Variants in ATP9A observed in about 807,000 individuals in gnomAD.
ATP9A encodes the protein ATPase phospholipid transporting 9A.
A neutral mutation model predicts 144.1 loss-of-function variants in ATP9A; 52 were observed. The observed-to-expected ratio is 0.36, with a 90% CI of 0.29 to 0.45. ATP9A has a LOEUF of 0.45. Among genes scored for constraint, ATP9A ranks in the 20% least tolerant of loss-of-function variants. The pLI, the probability that ATP9A is intolerant of heterozygous loss-of-function variation, is 1.00. For missense variants in ATP9A, 947 were observed against 1,392.7 expected, an observed-to-expected ratio of 0.68 and a Z score of 5.09; for synonymous variants, 582 against 557.4, an observed-to-expected ratio of 1.04 and a Z score of -0.62.
At chr20:51,672,241 C>T (rs1427213376) in intron 11 of ATP9A, among the ~76,000 whole-genome samples, 1 of 152,166 alleles carries the variant, frequency 6.6e-6, no homozygotes, top group African/African-American at 2.4e-5. Flanking sequence ...TTAGAATTTC[C>T]TTCCTTTTGA....
chr20:51,733,006 A>G (rs921764416), intron 1 of ATP9A, among the ~76,000 whole-genome samples: 9 of 152,042 alleles, frequency 5.9e-5, no homozygotes, highest in Non-Finnish European at 1.3e-4. Context: ...AGTTCTAATG[A>G]AAGATGAAAA....
chr20:51,643,001 T>C (rs1000563460), intron 14 of ATP9A, among the ~76,000 whole-genome samples: 1 of 152,158 alleles, frequency 6.6e-6, no homozygotes, highest in African/African-American at 2.4e-5. Context: ...AATAAAGATC[T>C]TGGAGTAGAT....
In ATP9A at chr20:51,622,058, G is replaced by C. The variant is rs747980361; in HGVS notation, c.2115+16C>G. ...AACATCATCCCCACATGGCCCTAAC[G>C]CAGAGGACACTTTACCAGCCGAAAA... On this transcript the variant is annotated intron_variant, in intron 19 of 27. Coordinates refer to ENST00000338821, the MANE Select transcript of ATP9A (RefSeq NM_006045.3). The C allele has an allele frequency of 1.2e-6, 2 of 1,610,976 alleles. No homozygotes were observed. Among genetic ancestry groups the C allele is most frequent in the East Asian group, 2.2e-5 (1 of 44,850 alleles).
intron 15 of ATP9A, among the ~76,000 whole-genome samples, chr20:51,638,647 G>A (rs566539499): frequency 2.0e-5 from 3 of 152,262 alleles, no homozygotes; most frequent in Admixed American, 2.0e-4. Flanking sequence ...AGAATCGGTT[G>A]AGGCCAGGAG....
rs2077243871 is a variant in ATP9A, at chr20:51,625,339, C to T, written c.1869G>A (p.Leu623=). 1 of 1,614,012 alleles carries T rather than the reference C, an allele frequency of 6.2e-7. No individual in the cohort carries two copies. Among genetic ancestry groups the T allele is most frequent in the African/African-American group, 1.3e-5 (1 of 74,938 alleles). ...CTTTGAGGGAGCGGTCGTGCACACT[C>T]AGCTTGGCCTGGACGTAGCGGGCCT... ...DFEARYVQAK[L]SVHDRSLKVA... is the part of the protein sequence containing the mutation. Residue 623 remains leucine, a synonymous_variant, in exon 18 of 28, where the codon CTG becomes CTA. Coordinates refer to ENST00000338821, the MANE Select transcript of ATP9A (RefSeq NM_006045.3).
chr20:51,662,544 CAAA>C (rs57342641), intron 13 of ATP9A, among the ~76,000 whole-genome samples: 2 of 134,448 alleles, frequency 1.5e-5, no homozygotes, highest in Non-Finnish European at 1.6e-5. Flanking sequence ...GACTCTGTCT[CAAA>C]AAAAAAAAAA....
At chr20:51,661,969 T>C (rs1414502696) in intron 13 of ATP9A, among the ~76,000 whole-genome samples, 1 of 152,214 alleles carries the variant, frequency 6.6e-6, no homozygotes, top group Non-Finnish European at 1.5e-5. Context: ...CATTTGGTCA[T>C]GTCTGGAGAC....
At chr20:51,632,733 G>C (rs1316547357) in intron 15 of ATP9A, among the ~76,000 whole-genome samples, 8 of 151,966 alleles carry the variant, frequency 5.3e-5, no homozygotes. Context: ...AAGATAAAGA[G>C]GTCAGAAAAT....
intron 3 of ATP9A, among the ~76,000 whole-genome samples, chr20:51,719,114 T>G: frequency 6.8e-6 from 1 of 147,546 alleles, no homozygotes. Flanking sequence ...GGCGACAGAG[T>G]GAGACTCTGT....
chr20:51,676,224 G>GAAAA lies in ATP9A; in HGVS notation c.800-20_800-17dup. 1.6e-6 allele frequency: 2 copies of GAAAA among 1,223,410 alleles called. No homozygotes were observed. Among genetic ancestry groups the GAAAA allele is most frequent in the Non-Finnish European group, 2.2e-6 (2 of 893,812 alleles). The allele number at this position is 1,223,410 out of a possible 1,614,324, so 75.8% of individuals were successfully genotyped here. A position where few individuals can be genotyped will look rare whatever the true frequency, so the allele number is the denominator to read the frequency against. ...ACAACAGTACCTAAAATGGAAAAAAGAAAAAAAAAAAAAGAAAAGAAATAT... is the reference window on the plus strand; with the variant it reads ...ACAACAGTACCTAAAATGGAAAAAAGAAAAAAAAAAAAAAAAAGAAAAGAAATAT... On this transcript the variant is annotated splice_polypyrimidine_tract_variant and intron_variant, in intron 9 of 27. Coordinates refer to ENST00000338821, the MANE Select transcript of ATP9A (RefSeq NM_006045.3).
At chr20:51,750,975 G>T (rs976246413) in intron 1 of ATP9A, among the ~76,000 whole-genome samples, 7 of 152,002 alleles carry the variant, frequency 4.6e-5, no homozygotes, top group Admixed American at 4.6e-4. Flanking sequence ...ACACATTGGG[G>T]TCTAAGAGCT....
At chr20:51,670,559 A>C (rs2077451706) in intron 12 of ATP9A, among the ~76,000 whole-genome samples, 1 of 151,910 alleles carries the variant, frequency 6.6e-6, no homozygotes, top group Non-Finnish European at 1.5e-5. Context: ...CCTTCCAGAA[A>C]CCTCATTTTT....
At chr20:51,731,855 A>G (rs1375287593) in intron 1 of ATP9A, among the ~76,000 whole-genome samples, 1 of 152,148 alleles carries the variant, frequency 6.6e-6, no homozygotes, top group Non-Finnish European at 1.5e-5. Flanking sequence ...ATGCTGTCAC[A>G]GCTGCTAGTT....
At chr20:51,616,279 T>C (rs1399566800) in intron 22 of ATP9A, among the ~76,000 whole-genome samples, 1 of 152,144 alleles carries the variant, frequency 6.6e-6, no homozygotes, top group East Asian at 1.9e-4. Flanking sequence ...GCATCTCTGC[T>C]GCCCCCTCCG....
chr20:51,615,731 G>T (rs1164355824), intron 22 of ATP9A, among the ~76,000 whole-genome samples: 3 of 152,292 alleles, frequency 2.0e-5, no homozygotes, highest in Admixed American at 2.0e-4. Context: ...TGCCTCCCGG[G>T]TTCAAGCAAT....
At chr20:51,687,931 A>C (rs935230413) in intron 9 of ATP9A, among the ~76,000 whole-genome samples, 1 of 152,180 alleles carries the variant, frequency 6.6e-6, no homozygotes, top group Non-Finnish European at 1.5e-5. Context: ...TAGAATTATA[A>C]TACTAACTAT....
At chr20:51,625,102 C>G in intron 18 of ATP9A, 90 bp downstream of exon 18, 1 of 1,347,868 alleles carries the variant, frequency 7.4e-7, no homozygotes, top group Non-Finnish European at 1.0e-6. Context: ...TGCTGCTCCT[C>G]CCACCCTTTC....
chr20:51,686,201 CACCGGG>C (rs2077522093), intron 9 of ATP9A, among the ~76,000 whole-genome samples: 1 of 151,940 alleles, frequency 6.6e-6, no homozygotes, highest in Non-Finnish European at 1.5e-5. Context: ...GAACATCACA[CACCGGG>C]GCCTGTCGTG....
chr20:51,662,267 G>C (rs951785336), intron 13 of ATP9A, among the ~76,000 whole-genome samples: 1 of 152,178 alleles, frequency 6.6e-6, no homozygotes, highest in South Asian at 2.1e-4. Flanking sequence ...ATTGCACTGC[G>C]CCAGGTGTGG....
Sources: gnomAD v4.1 joint callset for allele counts (sites outside exome capture counted in the v4.1 genomes callset) on GRCh38, gnomAD v4.1.1 for gene constraint, MANE v1.5 for transcripts, NCBI Gene and HGNC (gene_info 2026-07-23, HGNC 2026-07-21) for gene names.